GRIP1: variants seen among roughly 807,000 people sequenced by gnomAD.
GRIP1 encodes glutamate receptor interacting protein 1.
Under a neutral mutation model 129.9 loss-of-function variants are expected in GRIP1, and 45 were observed. The ratio of observed to expected loss-of-function variants is 0.35; its 90% CI spans 0.27 to 0.44. GRIP1 has a LOEUF of 0.44. GRIP1 is among the 20% of genes least tolerant of loss of function. The pLI is 1.00. For synonymous variants in GRIP1, 530 were observed against 520.8 expected, an observed-to-expected ratio of 1.02 and a Z score of -0.24; for missense variants, 1,196 against 1,396.8, an observed-to-expected ratio of 0.86 and a Z score of 2.29.
chr12:66,823,043 G>A (rs2039347797), intron 1 of GRIP1, among the ~76,000 whole-genome samples: 1 of 152,116 alleles, frequency 6.6e-6, no homozygotes, highest in Non-Finnish European at 1.5e-5. Flanking sequence ...ACAGAAATAG[G>A]TCTTCAACTG....
At chr12:66,555,735 G>A (rs958618205) in intron 2 of GRIP1, among the ~76,000 whole-genome samples, 10 of 151,998 alleles carry the variant, frequency 6.6e-5, no homozygotes, top group African/African-American at 1.9e-4. Flanking sequence ...TAATTAAAAA[G>A]AATTGAGCAG....
intron 1 of GRIP1, among the ~76,000 whole-genome samples, chr12:66,889,322 G>A (rs1042986722): frequency 2.6e-5 from 4 of 152,110 alleles, no homozygotes; most frequent in South Asian, 2.1e-4. Flanking sequence ...TTAGCCAGGC[G>A]TGGTGGCAGG....
intron 2 of GRIP1, among the ~76,000 whole-genome samples, chr12:66,572,299 A>G (rs1001667127): frequency 3.3e-5 from 5 of 152,348 alleles, no homozygotes; most frequent in Admixed American, 6.5e-5. Flanking sequence ...AGTACAGTCT[A>G]GGCATACCTA....
intron 7 of GRIP1, among the ~76,000 whole-genome samples, chr12:66,507,745 T>A (rs2060573806): frequency 6.7e-6 from 1 of 149,944 alleles, no homozygotes; most frequent in African/African-American, 2.5e-5. Context: ...TATAATACCA[T>A]AGGGCATTCC....
At chr12:66,543,563 A>G (rs2061853998) in intron 2 of GRIP1, among the ~76,000 whole-genome samples, 1 of 152,202 alleles carries the variant, frequency 6.6e-6, no homozygotes, top group South Asian at 2.1e-4. Flanking sequence ...AGCAAACCCC[A>G]GAAATCTCAT....
At chr12:66,939,702 A>C (rs1200414297) in intron 1 of GRIP1, among the ~76,000 whole-genome samples, 2 of 152,212 alleles carry the variant, frequency 1.3e-5, no homozygotes, top group Non-Finnish European at 2.9e-5. Flanking sequence ...TCTGCCAAAA[A>C]AAAAAGTATT....
Position 66,348,656 on chromosome 12 carries a change from G to A in GRIP1, c.*363C>T, listed in dbSNP as rs558564495. 41 of 254,580 alleles carry A rather than the reference G, an allele frequency of 1.6e-4. No homozygotes were observed. The highest frequency in any genetic ancestry group is 2.6e-4 in the Non-Finnish European group (34 of 130,642). 15.8% of individuals were successfully genotyped at this position (254,580 alleles called of 1,614,324 possible). ...AGAAACTGATTTCAAAGTGAATTAA[G>A]GAAATCATCACAGAGAATATTTTCA... On this transcript the variant is annotated 3_prime_UTR_variant, in exon 25 of 25. Coordinates refer to ENST00000359742, the MANE Select transcript of GRIP1 (RefSeq NM_001366722.1).
At chr12:66,704,501 C>A (rs1334895175) in intron 1 of GRIP1, among the ~76,000 whole-genome samples, 5 of 151,868 alleles carry the variant, frequency 3.3e-5, no homozygotes, top group Admixed American at 3.3e-4. Context: ...AGAATCAACA[C>A]AAATAACAAA....
intron 1 of GRIP1, among the ~76,000 whole-genome samples, chr12:66,819,409 A>G (rs2039280095): frequency 6.6e-6 from 1 of 152,190 alleles, no homozygotes; most frequent in Non-Finnish European, 1.5e-5. Flanking sequence ...TAATTACACT[A>G]TATTATTCTT....
rs888775349 is a variant in GRIP1 at position 66,474,687 on chromosome 12, G to T, written c.725-9265C>A. ...GGGGCCAATATTCAACATTCTTAAA[G>T]AAAAGAATTTTCAACCCAGAATTTC... is the stretch of plus-strand genomic sequence containing the variant. On this transcript the variant is annotated intron_variant, in intron 7 of 24. Transcript: ENST00000359742. Among the ~76,000 whole-genome samples the T allele has an allele frequency of 3.9e-4, 53 of 136,206 alleles. 1 individual carries two copies. Among genetic ancestry groups the T allele is most frequent in the African/African-American group, 1.8e-3 (51 of 28,932 alleles). The allele number at this position is 136,206 out of a possible 152,430, so 89.4% of individuals were successfully genotyped here. A position where few individuals can be genotyped will look rare whatever the true frequency, so the allele number is the denominator to read the frequency against.
intron 1 of GRIP1, among the ~76,000 whole-genome samples, chr12:66,777,960 A>G (rs1353372580): frequency 6.6e-6 from 1 of 152,152 alleles, no homozygotes; most frequent in Non-Finnish European, 1.5e-5. Context: ...AGCCACTCAT[A>G]GCTAATGAGC....
chr12:66,542,101 T>C (rs2061800182), intron 2 of GRIP1, 151 bp from the exon 3 acceptor site: 19 of 778,244 alleles, frequency 2.4e-5, no homozygotes, highest in Non-Finnish European at 4.2e-5. Context: ...TTCATAAAGA[T>C]GTGCATGCAG....
chr12:66,987,212 T>TA (rs2042325696), intron 1 of GRIP1, among the ~76,000 whole-genome samples: 1 of 152,198 alleles, frequency 6.6e-6, no homozygotes, highest in Admixed American at 6.5e-5. Context: ...TACCAGAATG[T>TA]AAGTTCTGTG....
chr12:66,547,655 G>C (rs574371475), intron 2 of GRIP1, among the ~76,000 whole-genome samples: 1 of 152,252 alleles, frequency 6.6e-6, no homozygotes, highest in East Asian at 1.9e-4. Flanking sequence ...ACTATGCTAA[G>C]GGCAAAAAGT....
At chr12:67,052,696 C>T (rs2043365970) in intron 1 of GRIP1, among the ~76,000 whole-genome samples, 1 of 139,590 alleles carries the variant, frequency 7.2e-6, no homozygotes, top group Non-Finnish European at 1.5e-5. Flanking sequence ...TGAGGCAGAG[C>T]TTGCAGTGAG....
intron 2 of GRIP1, among the ~76,000 whole-genome samples, chr12:66,551,734 A>G (rs1211625302): frequency 6.6e-6 from 1 of 151,782 alleles, no homozygotes; most frequent in East Asian, 1.9e-4. Context: ...CTAATTTTTT[A>G]AAACAATTTT....
intron 13 of GRIP1, among the ~76,000 whole-genome samples, chr12:66,437,924 A>G (rs1254247384): frequency 6.6e-6 from 1 of 152,116 alleles, no homozygotes; most frequent in African/African-American, 2.4e-5. Context: ...CAACCGACCT[A>G]GGTCTACGAT....
intron 1 of GRIP1, among the ~76,000 whole-genome samples, chr12:66,692,500 T>C (rs941633950): frequency 3.9e-5 from 6 of 152,140 alleles, no homozygotes; most frequent in Non-Finnish European, 1.5e-5. Flanking sequence ...TTTGGAAATT[T>C]CATCTAGCAA....
chr12:66,806,071 G>C (rs2038986765), upstream of GRIP1, among the ~76,000 whole-genome samples: 1 of 145,868 alleles, frequency 6.9e-6, no homozygotes, highest in South Asian at 2.2e-4. Context: ...TGAGAAATTT[G>C]AAGATCTGGA....
Sources: gnomAD v4.1 joint callset for allele counts (sites outside exome capture counted in the v4.1 genomes callset) on GRCh38, gnomAD v4.1.1 for gene constraint, MANE v1.5 for transcripts, NCBI Gene and HGNC (gene_info 2026-07-23, HGNC 2026-07-21) for gene names.